Variants in CDV3 observed in about 807,000 individuals in gnomAD.
The protein encoded by CDV3 is protein CDV3 homolog.
A neutral mutation model predicts 24.5 loss-of-function variants in CDV3; 14 were observed. That is an observed-to-expected ratio of 0.57 (90% CI 0.38 to 0.89). The LOEUF (loss-of-function observed/expected upper bound fraction) is 0.89. CDV3 is among the 40% of genes least tolerant of loss of function. The pLI, the probability that CDV3 is intolerant of heterozygous loss-of-function variation, is 0.00. For missense variants in CDV3, 304 were observed against 310.2 expected, an observed-to-expected ratio of 0.98 and a Z score of 0.15; for synonymous variants, 114 against 114.1, an observed-to-expected ratio of 1.00 and a Z score of 0.00.
intron 4 of CDV3, chr3:133,587,098 G>A (rs1393869559): frequency 3.5e-6 from 3 of 856,616 alleles, no homozygotes; most frequent in Non-Finnish European, 5.1e-6. Flanking sequence ...CCCAGTTAAT[G>A]TGACTATAGA....
intron 3 of CDV3, among the ~76,000 whole-genome samples, chr3:133,586,252 T>C (rs774922761): frequency 1.3e-5 from 2 of 152,112 alleles, no homozygotes; most frequent in African/African-American, 2.4e-5. Flanking sequence ...CCTGCCATCA[T>C]GCCCAGCTAA....
intron 3 of CDV3, among the ~76,000 whole-genome samples, chr3:133,584,775 T>C (rs957283564): frequency 1.3e-5 from 2 of 152,174 alleles, no homozygotes; most frequent in Non-Finnish European, 2.9e-5. Flanking sequence ...TTGCTTCTTA[T>C]GGAATGAAGG....
chr3:133,574,073 A>G lies in CDV3; in HGVS notation c.29A>G (p.Asp10Gly). 1 of 1,237,354 alleles carries G rather than the reference A, an allele frequency of 8.1e-7. No homozygotes were observed. 76.6% of individuals were successfully genotyped at this position (1,237,354 alleles called of 1,614,324 possible). ...GCTGAGACGGAGGAGCGGAGCCTGG[A>G]CAACTTCTTTGCCAAGAGGGACAAG... MAETEERSL[D>G]NFFAKRDKKK... is the part of the protein sequence containing the mutation. Residue 10 changes from aspartate to glycine, a missense_variant, in exon 1 of 5, where the codon GAC (aspartate) becomes GGC (glycine). Transcript: ENST00000264993.
At chr3:133,587,862 G>A in intron 4 of CDV3, 34 bp from the exon 5 acceptor site, 2 of 1,559,764 alleles carry the variant, frequency 1.3e-6, no homozygotes, top group Non-Finnish European at 8.6e-7. Flanking sequence ...TAGTGAAGAA[G>A]AAATATTTAC....
In CDV3 at chr3:133,577,290, C is replaced by G. The variant is rs377312193; in HGVS notation, c.317+2175C>G. 1.3e-4 allele frequency among the ~76,000 whole-genome samples: 20 copies of G among 152,228 alleles called. 2 individuals are homozygous for G. The highest frequency in any genetic ancestry group is 2.4e-4 in the African/African-American group (10 of 41,532). On this transcript the variant is annotated intron_variant, in intron 2 of 4. Coordinates refer to ENST00000264993, the MANE Select transcript of CDV3 (RefSeq NM_017548.5). ...GTTCTTCACTCAGATCCACCAGTCT[C>G]TGCTACATGTGCTTTATCTTTTTCT...
At chr3:133,581,637 G>A (rs1287067107) in intron 2 of CDV3, among the ~76,000 whole-genome samples, 1 of 152,204 alleles carries the variant, frequency 6.6e-6, no homozygotes, top group Non-Finnish European at 1.5e-5. Flanking sequence ...TGGCTGGTAA[G>A]TGGCAGAGCC....
intron 3 of CDV3, among the ~76,000 whole-genome samples, chr3:133,585,447 C>G (rs1181629110): frequency 6.6e-6 from 1 of 151,920 alleles, no homozygotes; most frequent in Non-Finnish European, 1.5e-5. Context: ...TCCCAAAGTG[C>G]TGGGATTACA....
chr3:133,575,487 G>T (rs557657101), intron 2 of CDV3, among the ~76,000 whole-genome samples: 1 of 152,350 alleles, frequency 6.6e-6, no homozygotes, highest in South Asian at 2.1e-4. Flanking sequence ...CAATAAGCAA[G>T]TGAATATATG....
rs368263577 is a variant in CDV3, at chr3:133,577,312, T to TTCTA, written c.317+2199_317+2202dup. Among the ~76,000 whole-genome samples, 985 of 152,224 alleles carry TTCTA rather than the reference T, an allele frequency of 6.5e-3. 9 individuals are homozygous for TTCTA. The highest frequency in any genetic ancestry group is 0.023 in the African/African-American group (946 of 41,522). On this transcript the variant is annotated intron_variant, in intron 2 of 4. Coordinates refer to ENST00000264993, the MANE Select transcript of CDV3 (RefSeq NM_017548.5). ...TCTCTGCTACATGTGCTTTATCTTT[T>TTCTA]TCTATTTCTCGGTATACTGAGAGCT...
At chr3:133,587,286 A>G (rs1407485937) in intron 4 of CDV3, 4 of 1,270,082 alleles carry the variant, frequency 3.1e-6, no homozygotes, top group Non-Finnish European at 1.0e-6. Context: ...TCAGATGGAA[A>G]TGTGTTTTTT....
At chr3:133,580,912 T>G (rs2107715896) in intron 2 of CDV3, among the ~76,000 whole-genome samples, 1 of 152,248 alleles carries the variant, frequency 6.6e-6, no homozygotes, top group East Asian at 1.9e-4. Flanking sequence ...TTAAACAGAT[T>G]ATGCTTATTT....
At chr3:133,578,152 A>C (rs191930323) in intron 2 of CDV3, among the ~76,000 whole-genome samples, 235 of 152,004 alleles carry the variant, frequency 1.5e-3, no homozygotes, top group African/African-American at 5.4e-3. Context: ...GCCACCCCTG[A>C]CTAATCTTAC....
chr3:133,578,893 A>G (rs1426794128), intron 2 of CDV3, among the ~76,000 whole-genome samples: 3 of 152,214 alleles, frequency 2.0e-5, no homozygotes, highest in Non-Finnish European at 4.4e-5. Flanking sequence ...TTCTTTATAA[A>G]TATACTGCTG....
rs370443719 is a variant in CDV3, at chr3:133,586,905, G to C, written c.626+183G>C. ...TTCATATGTCCAGAAGGGAGGAAAG[G>C]GGGAGGGCAAAGAGCATTGGAGACA... On this transcript the variant is annotated intron_variant, in intron 4 of 4. Coordinates refer to ENST00000264993, the MANE Select transcript of CDV3 (RefSeq NM_017548.5). Among the ~76,000 whole-genome samples the C allele has an allele frequency of 2.0e-5, 3 of 152,214 alleles. No individual in the cohort carries two copies. In the East Asian group the frequency reaches 5.8e-4, roughly 29 times the overall value.
At chr3:133,580,448 A>G (rs922121751) in intron 2 of CDV3, among the ~76,000 whole-genome samples, 3 of 152,228 alleles carry the variant, frequency 2.0e-5, no homozygotes, top group African/African-American at 7.2e-5. Flanking sequence ...CACGCCTGTA[A>G]TCTCAGTACT....
At position 133,588,196 on chromosome 3, in the gene CDV3, G is replaced by C; in HGVS notation, c.*150G>C. The stretch of plus-strand genomic sequence containing the variant: ...GCCCTATTGCACTATGGAAGTTAAA[G>C]TGTCACGACTGCTCTATGCATATTG... On this transcript the variant is annotated 3_prime_UTR_variant, in exon 5 of 5. Transcript: ENST00000264993. 2.6e-6 allele frequency: 4 copies of C among 1,527,800 alleles called. No individual in the cohort carries two copies. Among genetic ancestry groups the C allele is most frequent in the South Asian group, 2.6e-5 (2 of 78,192 alleles). The allele number at this position is 1,527,800 out of a possible 1,614,324, so 94.6% of individuals were successfully genotyped here.
chr3:133,586,767 T>A lies in CDV3; in HGVS notation c.626+45T>A, dbSNP rs112389024. On this transcript the variant is annotated intron_variant, in intron 4 of 4. Coordinates refer to ENST00000264993, the MANE Select transcript of CDV3 (RefSeq NM_017548.5). Reference sequence around the variant, plus strand: ...GCATTTTGTTTGGGACTTCTGTTCCTAGGCCAGGGAGTGGGATATAGGGGA... The same window carrying A: ...GCATTTTGTTTGGGACTTCTGTTCCAAGGCCAGGGAGTGGGATATAGGGGA... 30 of 1,260,506 alleles carry A rather than the reference T, an allele frequency of 2.4e-5. 1 individual carries two copies. The highest frequency in any genetic ancestry group is 2.3e-4 in the African/African-American group (16 of 68,208). 78.1% of individuals were successfully genotyped at this position (1,260,506 alleles called of 1,614,324 possible). A position where few individuals can be genotyped will look rare whatever the true frequency, so the allele number is the denominator to read the frequency against.
chr3:133,574,869 G>C (rs1383155349), intron 1 of CDV3, 170 bp from the exon 2 acceptor site: 7 of 728,760 alleles, frequency 9.6e-6, no homozygotes, highest in Non-Finnish European at 1.5e-5. Context: ...GAGCATGTTT[G>C]TCCTCCATTT....
intron 2 of CDV3, among the ~76,000 whole-genome samples, chr3:133,576,841 C>CTTTTTTTTTGTT (rs2074828274): frequency 4.8e-5 from 3 of 62,388 alleles, no homozygotes; most frequent in Non-Finnish European, 8.4e-5. Flanking sequence ...GGTAGACTAG[C>CTTTTTTTTTGTT]TTTTTTTTTT....
Sources: gnomAD v4.1 joint callset for allele counts (sites outside exome capture counted in the v4.1 genomes callset) on GRCh38, gnomAD v4.1.1 for gene constraint, MANE v1.5 for transcripts, NCBI Gene and HGNC (gene_info 2026-07-23, HGNC 2026-07-21) for gene names.